Variants in UTRN observed in about 807,000 individuals in gnomAD.
The protein encoded by UTRN is dystrophin-related protein 1.
Under a neutral mutation model 463.9 loss-of-function variants are expected in UTRN, and 283 were observed. The observed-to-expected ratio is 0.61, with a 90% confidence interval of 0.55 to 0.67. UTRN has a LOEUF of 0.67. UTRN is among the 30% of genes least tolerant of loss of function. UTRN has a pLI of 0.00. For synonymous variants in UTRN, 1,442 were observed against 1,431.5 expected (o/e 1.01, Z -0.17); for missense variants, 3,922 against 4,084.3 (o/e 0.96, Z 1.08).
rs779923783 is a variant in UTRN, at chr6:144,554,856, G to A, written c.7097G>A (p.Arg2366Gln). The A allele has an allele frequency of 1.9e-5, 31 of 1,613,814 alleles. No individual in the cohort carries two copies. The Admixed American group carries it at 3.5e-4, about 18-fold the overall frequency. The change falls in exon 49 of 75, where the codon CGA becomes CAA. Residue 2366 changes from arginine (R) to glutamine (Q), a missense_variant. Physicochemically the swap from Arg to Gln is conservative, Grantham distance 43. Around this residue, in one of 3 missense-constraint regions of UTRN, gnomAD observed 1,309 missense variants for 1,452.6 expected, o/e 0.90. Coordinates refer to ENST00000367545, the MANE Select transcript of UTRN (RefSeq NM_007124.3). Reference protein sequence around the residue: ...EARLYILQQARRDPLTKQISD... With the variant: ...EARLYILQQAQRDPLTKQISD... ...CGACTCTATATTCTTCAGCAAGCCC[G>A]ACGGGATCCACTCACCAAACAAATT...
At chr6:144,346,682 G>T (rs1282930123) in intron 2 of UTRN, among the ~76,000 whole-genome samples, 2 of 152,134 alleles carry the variant, frequency 1.3e-5, no homozygotes, top group Non-Finnish European at 2.9e-5. Flanking sequence ...AATTAGCTGG[G>T]TGTGGTGGTG....
At chr6:144,355,404 T>C (rs1471372681) in intron 2 of UTRN, among the ~76,000 whole-genome samples, 1 of 151,984 alleles carries the variant, frequency 6.6e-6, no homozygotes, top group Non-Finnish European at 1.5e-5. Flanking sequence ...TCCCTATGCT[T>C]CTCAGGTTGG....
At chr6:144,807,444 C>A (rs1015578443) in intron 65 of UTRN, among the ~76,000 whole-genome samples, 2 of 151,864 alleles carry the variant, frequency 1.3e-5, no homozygotes, top group Non-Finnish European at 2.9e-5. Flanking sequence ...ATTTTTATTT[C>A]TCTAGGAAAT....
At chr6:144,701,438 T>A (rs1053115102) in intron 53 of UTRN, among the ~76,000 whole-genome samples, 2 of 152,192 alleles carry the variant, frequency 1.3e-5, no homozygotes, top group African/African-American at 4.8e-5. Context: ...AAATTTCTGT[T>A]CCTATGCAAA....
At chr6:144,681,049 C>T (rs1250832394) in intron 52 of UTRN, among the ~76,000 whole-genome samples, 1 of 152,146 alleles carries the variant, frequency 6.6e-6, no homozygotes, top group African/African-American at 2.4e-5. Context: ...ACGGAGGATG[C>T]CTCGGATGAG....
In UTRN at chr6:144,403,123, A is replaced by G. The variant is rs930750753; in HGVS notation, c.80A>G (p.Asp27Gly). 3.3e-5 allele frequency: 54 copies of G among 1,613,102 alleles called. No individual in the cohort carries two copies. The highest frequency in any genetic ancestry group is 4.4e-5 in the Non-Finnish European group (52 of 1,179,530). ...EFSDIIKSRS[D>G]EHNDVQKKTF... is the part of the protein sequence containing the mutation. The stretch of plus-strand genomic sequence containing the variant: ...TTCTCTTTCTTTTTCCATTCCACAG[A>G]TGAACACAATGACGTACAGAAGAAA... Residue 27 changes from aspartate (D) to glycine (G), a missense_variant and splice_region_variant, in exon 3 of 75, where the codon GAT (aspartate) becomes GGT (glycine). Physicochemically the swap from Asp to Gly is moderately conservative, Grantham distance 94. Around this residue, in one of 3 missense-constraint regions of UTRN, gnomAD observed 264 missense variants for 327.9 expected, o/e 0.81. Coordinates refer to ENST00000367545, the MANE Select transcript of UTRN (RefSeq NM_007124.3).
chr6:144,458,881 A>T lies in UTRN; in HGVS notation c.2396A>T (p.Asp799Val), dbSNP rs767764709. 4 of 1,613,880 alleles carry T rather than the reference A, an allele frequency of 2.5e-6. 1 individual carries two copies. Among genetic ancestry groups the T allele is most frequent in the Admixed American group, 3.3e-5 (2 of 59,962 alleles). Residue 799 changes from aspartate (D) to valine (V), a missense_variant, in exon 20 of 75, where the codon GAT (aspartate) becomes GTT (valine). By Grantham distance (152) the Asp-to-Val change is radical. Coordinates refer to ENST00000367545, the MANE Select transcript of UTRN (RefSeq NM_007124.3). ...GAAAGAAAGATTCAGCTACAGGAAGATATAAATGCTTATTTCAAGCAGCTT... is the reference window on the plus strand; with the variant it reads ...GAAAGAAAGATTCAGCTACAGGAAGTTATAAATGCTTATTTCAAGCAGCTT... ...DLERKIQLQE[D>V]INAYFKQLDE... is the part of the protein sequence containing the mutation.
chr6:144,379,489 C>T lies in UTRN; in HGVS notation c.80-23634C>T, dbSNP rs947094290. Reference sequence around the variant, plus strand: ...GGTCGAAGGCCACAGTTTCTCGCCACGTGGGCCTCTCTCTAGGGTGCTTGA... The same window carrying T: ...GGTCGAAGGCCACAGTTTCTCGCCATGTGGGCCTCTCTCTAGGGTGCTTGA... On this transcript the variant is annotated intron_variant, in intron 2 of 74. Coordinates refer to ENST00000367545, the MANE Select transcript of UTRN (RefSeq NM_007124.3). Among the ~76,000 whole-genome samples, 6 of 152,170 alleles carry T rather than the reference C, an allele frequency of 3.9e-5. No homozygotes were observed. The South Asian group carries it at 1.0e-3, about 26-fold the overall frequency.
intron 54 of UTRN, among the ~76,000 whole-genome samples, chr6:144,738,475 C>T (rs1037585816): frequency 6.6e-6 from 1 of 152,150 alleles, no homozygotes; most frequent in African/African-American, 2.4e-5. Context: ...GGAGTTGGAG[C>T]CTTCTGTCGG....
At chr6:144,582,700 A>G (rs887417599) in intron 51 of UTRN, among the ~76,000 whole-genome samples, 10 of 152,284 alleles carry the variant, frequency 6.6e-5, no homozygotes, top group African/African-American at 2.4e-4. Flanking sequence ...AACCTATTCC[A>G]TTTCTAATGG....
At chr6:144,347,360 G>A (rs111783359) in intron 2 of UTRN, among the ~76,000 whole-genome samples, 1,725 of 152,316 alleles carry the variant, frequency 0.011, 36 homozygotes, top group African/African-American at 0.038. Flanking sequence ...GAATGTATTC[G>A]TCCCCCACTA....
At chr6:144,815,154 C>T (rs1778967502) in intron 65 of UTRN, among the ~76,000 whole-genome samples, 1 of 152,130 alleles carries the variant, frequency 6.6e-6, no homozygotes, top group African/African-American at 2.4e-5. Context: ...ACATTAAAAT[C>T]TCATGATATT....
chr6:144,601,849 T>G (rs1804282709), intron 51 of UTRN, among the ~76,000 whole-genome samples: 1 of 152,130 alleles, frequency 6.6e-6, no homozygotes, highest in Non-Finnish European at 1.5e-5. Flanking sequence ...CTGTCTTATT[T>G]TAAGAAAATG....
Position 144,458,831 on chromosome 6 carries a change from T to A in UTRN, c.2346T>A (p.Asn782Lys). Residue 782 changes from asparagine (N) to lysine (K), a missense_variant, in exon 20 of 75, where the codon AAT becomes AAA. Physicochemically the swap from Asn to Lys is moderately conservative, Grantham distance 94. Around this residue, in one of 3 missense-constraint regions of UTRN, gnomAD observed 2,349 missense variants for 2,303.8 expected, o/e 1.02. Coordinates refer to ENST00000367545, the MANE Select transcript of UTRN (RefSeq NM_007124.3). ...VLEKVSSEWK[N>K]VSQHLEDLER... The stretch of plus-strand genomic sequence containing the variant: ...AGAAGGTTTCATCAGAATGGAAGAA[T>A]GTATCTCAACATTTGGAAGATCTAG... The A allele has an allele frequency of 6.2e-7, 1 of 1,613,062 alleles. No homozygotes were observed. The highest frequency in any genetic ancestry group is 1.3e-5 in the African/African-American group (1 of 74,982).
At chr6:144,786,325 C>T (rs1247426764) in intron 61 of UTRN, among the ~76,000 whole-genome samples, 2 of 152,100 alleles carry the variant, frequency 1.3e-5, no homozygotes, top group African/African-American at 2.4e-5. Context: ...CTCACTCTGT[C>T]GCCAGGCTGG....
At chr6:144,489,506 C>A (rs1054763827) in intron 30 of UTRN, among the ~76,000 whole-genome samples, 1 of 152,070 alleles carries the variant, frequency 6.6e-6, no homozygotes, top group Non-Finnish European at 1.5e-5. Flanking sequence ...GGGACAATTC[C>A]TTCCTTATAA....
chr6:144,660,088 G>A (rs1043189308), intron 51 of UTRN: 1 of 405,816 alleles, frequency 2.5e-6, no homozygotes, highest in Non-Finnish European at 5.1e-6. Context: ...ATGGACCATA[G>A]CTCAAGGGCA....
intron 51 of UTRN, among the ~76,000 whole-genome samples, chr6:144,580,960 A>G (rs1414269137): frequency 6.6e-6 from 1 of 152,226 alleles, no homozygotes; most frequent in Non-Finnish European, 1.5e-5. Flanking sequence ...TCAATAGTAT[A>G]CATAGACTGA....
chr6:144,624,470 T>A (rs1376388993), intron 51 of UTRN, among the ~76,000 whole-genome samples: 2 of 152,174 alleles, frequency 1.3e-5, no homozygotes, highest in Non-Finnish European at 1.5e-5. Flanking sequence ...CAGAAGTAGA[T>A]GTGGGCAGTT....
Sources: allele counts gnomAD v4.1 joint callset (sites outside exome capture counted in the v4.1 genomes callset), GRCh38; gene constraint gnomAD v4.1.1; regional missense constraint gnomAD v4.1.1; transcripts MANE v1.5; gene names NCBI Gene and HGNC (gene_info 2026-07-23, HGNC 2026-07-21).